NAA38: variants seen among roughly 807,000 people sequenced by gnomAD.
NAA38 encodes the protein LSM domain containing 1.
Under a neutral mutation model 12.6 loss-of-function variants are expected in NAA38, and 15 were observed. The ratio of observed to expected loss-of-function variants is 1.19; its 90% CI spans 0.79 to 1.83. The LOEUF is 1.83. Among genes scored for constraint, NAA38 ranks in the 40% most tolerant of loss-of-function variants. NAA38 has a pLI of 0.00. For synonymous variants in NAA38, 88 were observed against 69.9 expected (o/e 1.26, Z -1.29); for missense variants, 183 against 171.7 (o/e 1.07, Z -0.37).
chr17:7,885,307 C>CCCGCCGCCGCCGCCCCCG (rs1555603805), upstream of NAA38: 3 of 157,218 alleles, frequency 1.9e-5, no homozygotes, highest in African/African-American at 8.0e-5. Context: ...GCACCCCTCC[C>CCCGCCGCCGCCGCCCCCG]CCGCCGCCGC....
At chr17:7,885,175 A>G (rs1234153247) in exon 1 of NAA38, 2 of 977,914 alleles carry the variant, frequency 2.0e-6, no homozygotes, top group Non-Finnish European at 2.4e-6. Context: ...CGCGCGGCCG[A>G]GCCGAGGCGA....
At chr17:7,884,846 G>A (rs1395150740) in intron 1 of NAA38, 1 of 1,084,596 alleles carries the variant, frequency 9.2e-7, no homozygotes, top group Non-Finnish European at 1.3e-6. Context: ...GGAGGAGGAG[G>A]AGATGGTGGT....
intron 2 of NAA38, among the ~76,000 whole-genome samples, chr17:7,874,051 G>A (rs1287281412): frequency 1.3e-5 from 2 of 152,174 alleles, no homozygotes; most frequent in South Asian, 2.1e-4. Context: ...AAGGCCAGGG[G>A]TTTGCAGGAA....
intron 1 of NAA38, among the ~76,000 whole-genome samples, chr17:7,884,071 AACACACAC>A (rs149257134): frequency 1.3e-5 from 2 of 148,548 alleles, no homozygotes; most frequent in African/African-American, 2.5e-5. Context: ...ATGCCCCCCC[AACACACAC>A]ACACACACAC....
chr17:7,856,840 G>A lies in NAA38; in HGVS notation c.269C>T (p.Ser90Phe), dbSNP rs144941102. ...CACACGGGGCTCCCCGGCAGAGAAG[G>A]AATCTGGAAAGAAGGATCAGAGCAT... ...SAQEFLKPSDSFSAGEPRVLG... is the reference protein window; with the variant it reads ...SAQEFLKPSDFFSAGEPRVLG... Residue 90 changes from serine (S) to phenylalanine (F), a missense_variant, in exon 3 of 3, where the codon TCC becomes TTC. Ser to Phe is a radical substitution (Grantham distance 155). Transcript: ENST00000575771. 1.2e-6 allele frequency: 2 copies of A among 1,613,676 alleles called. No individual in the cohort carries two copies. The highest frequency in any genetic ancestry group is 1.7e-6 in the Non-Finnish European group (2 of 1,179,952).
intron 2 of NAA38, among the ~76,000 whole-genome samples, chr17:7,873,028 C>T (rs1967113718): frequency 6.6e-6 from 1 of 152,104 alleles, no homozygotes; most frequent in South Asian, 2.1e-4. Context: ...TTAGTGCATG[C>T]CTGCTTACTG....
At chr17:7,861,598 A>G (rs933769104), upstream of NAA38, 2 of 152,118 alleles carry the variant, frequency 1.3e-5, no homozygotes, top group African/African-American at 2.4e-5. Context: ...TCCTACTTCA[A>G]TGTCTCTTGC....
At chr17:7,885,024 TC>T in intron 1 of NAA38, 1 of 1,178,954 alleles carries the variant, frequency 8.5e-7, no homozygotes, top group Non-Finnish European at 1.0e-6. Flanking sequence ...TGCCACCTCT[TC>T]CCGCCGCCGC....
At chr17:7,856,873 G>C (rs781212354) in intron 2 of NAA38, 30 bp from the exon 3 acceptor site, 1 of 1,610,476 alleles carries the variant, frequency 6.2e-7, no homozygotes, top group African/African-American at 1.3e-5. Context: ...CATCAGGAAA[G>C]TAGGCCAGAA....
chr17:7,856,941 G>A (rs2078822810), intron 2 of NAA38, 74 bp downstream of exon 2: 3 of 1,587,312 alleles, frequency 1.9e-6, no homozygotes, highest in South Asian at 1.1e-5. Flanking sequence ...GTTGCAGCCA[G>A]GCCCTTAAGG....
chr17:7,858,148 G>C, upstream of NAA38: 1 of 1,613,522 alleles, frequency 6.2e-7, no homozygotes, highest in Non-Finnish European at 8.5e-7. Context: ...CCGCGCCGGG[G>C]CCTGGTGGCT....
chr17:7,859,347 G>T, upstream of NAA38: 1 of 1,573,112 alleles, frequency 6.4e-7, no homozygotes, highest in Non-Finnish European at 8.7e-7. Flanking sequence ...ACTCCATCCA[G>T]AATTCTGGGG....
intron 3 of NAA38, chr17:7,865,384 AC>A (rs1314965943): frequency 1.3e-5 from 2 of 152,234 alleles, no homozygotes; most frequent in African/African-American, 4.8e-5. Flanking sequence ...TATTCTAGTT[AC>A]CTACCACTGC....
intron 2 of NAA38, among the ~76,000 whole-genome samples, chr17:7,879,966 G>A (rs754628663): frequency 5.9e-4 from 90 of 151,948 alleles, no homozygotes; most frequent in Middle Eastern, 3.4e-3. Context: ...TGACAGAGAA[G>A]GCAGGCAAAA....
At chr17:7,859,713 G>C, upstream of NAA38, 1 of 987,942 alleles carries the variant, frequency 1.0e-6, no homozygotes, top group Non-Finnish European at 1.6e-6. Context: ...CCTGGACCCA[G>C]ATCTCCACTC....
At chr17:7,866,414 G>C in intron 3 of NAA38, 1 of 1,178,888 alleles carries the variant, frequency 8.5e-7, no homozygotes, top group East Asian at 3.2e-5. Context: ...GGCCGCCACG[G>C]GGAACTTTTA....
intron 2 of NAA38, among the ~76,000 whole-genome samples, chr17:7,867,425 G>T (rs111679704): frequency 1.3e-5 from 2 of 152,002 alleles, no homozygotes. Context: ...TGCAACCTTC[G>T]CCTCCCAGGT....
chr17:7,866,253 ATTTTTTTTTTTTTT>A (rs56289148), intron 3 of NAA38, among the ~76,000 whole-genome samples: 4,923 of 90,654 alleles, frequency 0.054, 277 homozygotes, highest in African/African-American at 0.16. Context: ...AGCCCGGCTA[ATTTTTTTTTTTTTT>A]TTTTTTTTTT....
chr17:7,857,979 AG>A, upstream of NAA38: 2 of 1,489,246 alleles, frequency 1.3e-6, no homozygotes, highest in African/African-American at 2.8e-5. Flanking sequence ...TATTTATCTC[AG>A]TGGACGGTGG....
Sources: allele counts gnomAD v4.1 joint callset (sites outside exome capture counted in the v4.1 genomes callset), GRCh38; gene constraint gnomAD v4.1.1; transcripts MANE v1.5; gene names NCBI Gene and HGNC (gene_info 2026-07-23, HGNC 2026-07-21).